The following RAPH1 variants were observed in gnomAD, a reference collection of about 807,000 sequenced individuals.
RAPH1 encodes ras-associated and pleckstrin homology domains-containing protein 1.
RAPH1 carries 18 observed loss-of-function variants against 88.1 expected under a neutral mutation model. That is an observed-to-expected ratio of 0.20 (90% confidence interval 0.14 to 0.30). The LOEUF (loss-of-function observed/expected upper bound fraction) is 0.30. RAPH1 is among the 10% of genes least tolerant of loss of function. The pLI, the probability that RAPH1 is intolerant of heterozygous loss-of-function variation, is 1.00. For missense variants in RAPH1, 1,448 were observed against 1,543.2 expected, an observed-to-expected ratio of 0.94 and a Z score of 1.03; for synonymous variants, 587 against 559.0, an observed-to-expected ratio of 1.05 and a Z score of -0.71.
At chr2:203,498,379 G>A (rs1018393422) in intron 1 of RAPH1, among the ~76,000 whole-genome samples, 2 of 152,116 alleles carry the variant, frequency 1.3e-5, no homozygotes, top group Non-Finnish European at 2.9e-5. Flanking sequence ...TATGAACATC[G>A]TAACACACAC....
In RAPH1 at chr2:203,481,498, C is replaced by T. The variant is rs938737296; in HGVS notation, c.732+8086G>A. ...CTCCTTCTACTGGATATTATATAGC[C>T]GGTAAATCTGTAAATGTTTTTAAAA... On this transcript the variant is annotated intron_variant, in intron 4 of 13. Coordinates refer to ENST00000319170, the MANE Select transcript of RAPH1 (RefSeq NM_213589.3). Among the ~76,000 whole-genome samples the T allele has an allele frequency of 4.0e-5, 6 of 151,126 alleles. No homozygotes were observed. In the East Asian group the frequency reaches 5.8e-4, roughly 15 times the overall value.
chr2:203,482,902 A>G (rs1687794308), intron 4 of RAPH1, among the ~76,000 whole-genome samples: 1 of 152,220 alleles, frequency 6.6e-6, no homozygotes, highest in African/African-American at 2.4e-5. Context: ...AGAACGCCTC[A>G]ATAAGAAAGT....
chr2:203,479,003 C>T (rs1296109407), intron 4 of RAPH1, among the ~76,000 whole-genome samples: 3 of 152,174 alleles, frequency 2.0e-5, no homozygotes, highest in Non-Finnish European at 4.4e-5. Context: ...CAAATCTATA[C>T]TGCCAATAAC....
At chr2:203,521,252 C>A (rs1330145653) in intron 1 of RAPH1, among the ~76,000 whole-genome samples, 1 of 152,222 alleles carries the variant, frequency 6.6e-6, no homozygotes, top group East Asian at 1.9e-4. Context: ...CGGGGTTTCA[C>A]CATGTTGGCC....
intron 13 of RAPH1, chr2:203,444,602 G>A (rs2246849): frequency 0.58 from 238,967 of 412,676 alleles, 71,106 homozygotes; most frequent in Middle Eastern, 0.69. Flanking sequence ...AGCCACTGAT[G>A]AAAGAATTAA....
intron 1 of RAPH1, among the ~76,000 whole-genome samples, chr2:203,527,519 C>G (rs544555439): frequency 6.6e-6 from 1 of 152,202 alleles, no homozygotes; most frequent in African/African-American, 2.4e-5. Flanking sequence ...GTTTTATGTG[C>G]TGGCCGTGGT....
Position 203,455,461 on chromosome 2 carries a change from G to A in RAPH1, c.1278C>T (p.Tyr426=), listed in dbSNP as rs765800110. The part of the protein sequence containing the change: ...RYFLLRASGI[Y]YVPKGKAKVS... ...CCTTTGCTTTTCCTTTGGGAACATAGTAGATACCAGATGCTCGCAAGAGAA... is the reference window on the plus strand; with the variant it reads ...CCTTTGCTTTTCCTTTGGGAACATAATAGATACCAGATGCTCGCAAGAGAA... Residue 426 remains tyrosine (Y), a synonymous_variant, in exon 9 of 14, where the codon TAC becomes TAT. Coordinates refer to ENST00000319170, the MANE Select transcript of RAPH1 (RefSeq NM_213589.3). 1.2e-6 allele frequency: 2 copies of A among 1,613,772 alleles called. No individual in the cohort carries two copies. Among genetic ancestry groups the A allele is most frequent in the South Asian group, 1.1e-5 (1 of 91,020 alleles).
rs2098498919 is a variant in RAPH1, at chr2:203,436,839, C to G, written c.*2598G>C. ...AATACAGTCTAGGAAAAGCTACATC[C>G]CAACAAAAATCCAAATTAAAGAAAA... On this transcript the variant is annotated 3_prime_UTR_variant, in exon 14 of 14. Coordinates refer to ENST00000319170, the MANE Select transcript of RAPH1 (RefSeq NM_213589.3). 1 of 152,166 alleles carries G rather than the reference C, an allele frequency of 6.6e-6. No individual in the cohort carries two copies. The highest frequency in any genetic ancestry group is 1.5e-5 in the Non-Finnish European group (1 of 68,052). The allele number at this position is 152,166 out of a possible 1,614,324, so 9.4% of individuals were successfully genotyped here.
chr2:203,459,328 T>A (rs1420011835), intron 7 of RAPH1, among the ~76,000 whole-genome samples: 3 of 152,222 alleles, frequency 2.0e-5, no homozygotes, highest in Non-Finnish European at 2.9e-5. Context: ...CATTACTACT[T>A]TTTATTGTGG....
intron 2 of RAPH1, among the ~76,000 whole-genome samples, chr2:203,493,224 C>T (rs1199265488): frequency 6.6e-6 from 1 of 152,180 alleles, no homozygotes; most frequent in African/African-American, 2.4e-5. Context: ...AGTGGCTCTT[C>T]ACACTTTTAT....
intron 4 of RAPH1, among the ~76,000 whole-genome samples, chr2:203,469,656 T>C (rs1027144797): frequency 6.6e-6 from 1 of 152,212 alleles, no homozygotes; most frequent in Non-Finnish European, 1.5e-5. Flanking sequence ...TAGTTAATGA[T>C]GACAATGGCT....
In RAPH1 at chr2:203,435,641, T is replaced by C. The variant is rs549222306; in HGVS notation, c.*3796A>G. ...ATTTTATGAAAAGCAAGGCATCACA[T>C]TGATAACCATACAGGATCCTATGGG... On this transcript the variant is annotated 3_prime_UTR_variant, in exon 14 of 14. Coordinates refer to ENST00000319170, the MANE Select transcript of RAPH1 (RefSeq NM_213589.3). 7 of 152,330 alleles carry C rather than the reference T, an allele frequency of 4.6e-5. No individual in the cohort carries two copies. The highest frequency in any genetic ancestry group is 3.4e-3 in the Middle Eastern group (1 of 294). The allele number at this position is 152,330 out of a possible 1,614,324, so 9.4% of individuals were successfully genotyped here. A position where few individuals can be genotyped will look rare whatever the true frequency, so the allele number is the denominator to read the frequency against.
At chr2:203,475,525 T>C (rs536006304) in intron 4 of RAPH1, among the ~76,000 whole-genome samples, 1 of 152,358 alleles carries the variant, frequency 6.6e-6, no homozygotes, top group Non-Finnish European at 1.5e-5. Context: ...AATTATTTTG[T>C]CATTACAATT....
intron 8 of RAPH1, 45 bp from the exon 9 acceptor site, chr2:203,455,625 C>T (rs947514277): frequency 1.3e-6 from 2 of 1,585,116 alleles, no homozygotes; most frequent in African/African-American, 2.7e-5. Context: ...TCGTTGGATT[C>T]TCAGAACAAA....
intron 1 of RAPH1, among the ~76,000 whole-genome samples, chr2:203,509,838 G>A (rs941657942): frequency 8.6e-5 from 13 of 151,972 alleles, no homozygotes; most frequent in Non-Finnish European, 1.9e-4. Context: ...TGTGAGATGT[G>A]GTCATTTAAA....
chr2:203,534,505 T>TC (rs1486665508), intron 1 of RAPH1, among the ~76,000 whole-genome samples: 22 of 7,402 alleles, frequency 3.0e-3, no homozygotes, highest in East Asian at 6.3e-3. Flanking sequence ...CCTCCCTCCG[T>TC]CCACCCCCCC....
intron 1 of RAPH1, among the ~76,000 whole-genome samples, chr2:203,528,063 A>G (rs1559507702): frequency 6.6e-6 from 1 of 152,232 alleles, no homozygotes; most frequent in Non-Finnish European, 1.5e-5. Context: ...TGTGCAATTT[A>G]AAGATGAAGT....
chr2:203,438,385 T>G lies in RAPH1; in HGVS notation c.*1052A>C, dbSNP rs1457525971. Reference sequence around the variant, plus strand: ...GCATTTTAGAAAATGATTTTGTTTTTCATAATGCACCATATTGGGGCACAG... The same window carrying G: ...GCATTTTAGAAAATGATTTTGTTTTGCATAATGCACCATATTGGGGCACAG... On this transcript the variant is annotated 3_prime_UTR_variant, in exon 14 of 14. Transcript: ENST00000319170. 2.9e-6 allele frequency: 1 copy of G among 350,226 alleles called. No individual in the cohort carries two copies. The highest frequency in any genetic ancestry group is 2.2e-5 in the African/African-American group (1 of 46,508). The allele number at this position is 350,226 out of a possible 1,614,324, so 21.7% of individuals were successfully genotyped here. A position where few individuals can be genotyped will look rare whatever the true frequency, so the allele number is the denominator to read the frequency against.
intron 4 of RAPH1, among the ~76,000 whole-genome samples, chr2:203,471,906 CAT>C (rs2098533470): frequency 6.6e-6 from 1 of 151,530 alleles, no homozygotes; most frequent in African/African-American, 2.4e-5. Context: ...ATAACAAGAA[CAT>C]AGAGAACTAT....
Sources: allele counts gnomAD v4.1 joint callset (sites outside exome capture counted in the v4.1 genomes callset), GRCh38; gene constraint gnomAD v4.1.1; transcripts MANE v1.5; gene names NCBI Gene and HGNC (gene_info 2026-07-23, HGNC 2026-07-21).